The following POLA1 variants were observed in gnomAD, a reference collection of about 807,000 sequenced individuals.
POLA1 encodes DNA polymerase alpha catalytic subunit.
POLA1 carries 15 observed loss-of-function variants against 124.0 expected under a neutral mutation model. The ratio of observed to expected loss-of-function variants is 0.12; its 90% CI spans 0.08 to 0.19. POLA1 has a LOEUF of 0.19. POLA1 is among the 10% of genes least tolerant of loss of function. The pLI is 1.00. For synonymous variants in POLA1, 408 were observed against 389.4 expected, an observed-to-expected ratio of 1.05 and a Z score of -0.56; for missense variants, 886 against 1,103.4, an observed-to-expected ratio of 0.80 and a Z score of 2.79.
At chrX:24,948,593 G>A (rs1044485548) in intron 36 of POLA1, among the ~76,000 whole-genome samples, 1 of 111,742 alleles carries the variant, frequency 8.9e-6, no homozygotes, top group African/African-American at 3.2e-5. Flanking sequence ...GAATAAAAAG[G>A]CTGCAACTGC....
chrX:24,754,251 C>CTTTT (rs750683205), intron 26 of POLA1, among the ~76,000 whole-genome samples: 1 of 99,390 alleles, frequency 1.0e-5, no homozygotes. Flanking sequence ...TTCTTTCTTT[C>CTTTT]TTTTTTTTTT....
chrX:24,987,407 G>C (rs1318732532), intron 36 of POLA1, among the ~76,000 whole-genome samples: 2 of 111,580 alleles, frequency 1.8e-5, no homozygotes. Flanking sequence ...GGGGTGATTT[G>C]TTACACAGCA....
intron 35 of POLA1, among the ~76,000 whole-genome samples, chrX:24,929,037 G>T (rs1278974716): frequency 9.0e-6 from 1 of 111,569 alleles, no homozygotes; most frequent in Non-Finnish European, 1.9e-5. Flanking sequence ...GGCCAAAGAA[G>T]TATAAAATAC....
chrX:24,777,304 G>C (rs1264034449), intron 26 of POLA1, among the ~76,000 whole-genome samples: 1 of 111,814 alleles, frequency 8.9e-6, no homozygotes, highest in Non-Finnish European at 1.9e-5. Context: ...GTTAATTTTT[G>C]GTTACACTAA....
chrX:24,771,178 A>G (rs2045026182), intron 26 of POLA1, among the ~76,000 whole-genome samples: 1 of 111,195 alleles, frequency 9.0e-6, no homozygotes, highest in African/African-American at 3.3e-5. Context: ...ATCTCTGAGG[A>G]CTTCTGAGGA....
intron 16 of POLA1, among the ~76,000 whole-genome samples, 154 bp from the exon 17 acceptor site, chrX:24,733,601 A>G (rs146258695): frequency 1.2e-4 from 13 of 112,163 alleles, no homozygotes; most frequent in Non-Finnish European, 1.9e-4. Context: ...GAGGTCATCA[A>G]CATGACCAGT....
intron 34 of POLA1, among the ~76,000 whole-genome samples, chrX:24,859,429 A>G (rs767752188): frequency 3.6e-5 from 4 of 111,151 alleles, no homozygotes; most frequent in Non-Finnish European, 5.7e-5. Context: ...CACTCCTGCC[A>G]TTTCCTCTGC....
At chrX:24,981,740 A>G (rs2048422317) in intron 36 of POLA1, among the ~76,000 whole-genome samples, 1 of 112,613 alleles carries the variant, frequency 8.9e-6, no homozygotes, top group African/African-American at 3.2e-5. Flanking sequence ...GAGTTTTATT[A>G]TCACATATTT....
intron 20 of POLA1, among the ~76,000 whole-genome samples, chrX:24,740,297 AGAT>A (rs1178895704): frequency 9.0e-6 from 1 of 111,705 alleles, no homozygotes; most frequent in Non-Finnish European, 1.9e-5. Context: ...ATCCCACAGT[AGAT>A]GCATCAGGGT....
At chrX:24,701,434 C>CT (rs1331309084) in intron 2 of POLA1, among the ~76,000 whole-genome samples, 1,551 of 93,155 alleles carry the variant, frequency 0.017, 12 homozygotes, top group Non-Finnish European at 0.021. Context: ...AGGTAGAACT[C>CT]TTTTTTTTTT....
At chrX:24,901,659 G>A (rs1357729815) in intron 35 of POLA1, among the ~76,000 whole-genome samples, 1 of 111,193 alleles carries the variant, frequency 9.0e-6, no homozygotes, top group Non-Finnish European at 1.9e-5. Context: ...TTGGCCCAAG[G>A]AATAGAAGGG....
chrX:24,864,800 A>C (rs1354159965), intron 34 of POLA1, among the ~76,000 whole-genome samples: 1 of 109,938 alleles, frequency 9.1e-6, no homozygotes, highest in Non-Finnish European at 1.9e-5. Flanking sequence ...TCTTTAATAT[A>C]GTCTCTTATA....
Position 24,748,366 on chromosome X carries a change from T to C in POLA1, c.2747T>C (p.Ile916Thr), listed in dbSNP as rs1314932551. 1 of 1,193,722 alleles carries C rather than the reference T, an allele frequency of 8.4e-7. No homozygotes were observed. The highest frequency in any genetic ancestry group is 3.0e-5 in the East Asian group (1 of 33,696). ...ELPDPSLEMG[I>T]LPREIRKLVE... ...CCAGATCCAAGCTTAGAAATGGGCA[T>C]TTTGCCCAGAGAGATCCGGAAACTG... The change falls in exon 25 of 37, where the codon ATT becomes ACT. Residue 916 changes from isoleucine (I) to threonine (T), a missense_variant. Physicochemically the swap from Ile to Thr is moderately conservative, Grantham distance 89. Around this residue, in one of 7 missense-constraint regions of POLA1, gnomAD observed 182 missense variants for 252.8 expected, o/e 0.72. Coordinates refer to ENST00000379068, the MANE Select transcript of POLA1 (RefSeq NM_001330360.2).
chrX:24,774,335 G>A (rs1229410264), intron 26 of POLA1, among the ~76,000 whole-genome samples: 1 of 111,546 alleles, frequency 9.0e-6, no homozygotes. Flanking sequence ...AATGCCTAGA[G>A]GATGAGTATA....
chrX:24,785,272 T>C (rs777146657), intron 26 of POLA1, among the ~76,000 whole-genome samples: 1 of 112,356 alleles, frequency 8.9e-6, no homozygotes, highest in South Asian at 3.7e-4. Flanking sequence ...TGTAGTATCC[T>C]ATAATATATT....
chrX:24,988,498 T>A (rs1308395261), intron 36 of POLA1, among the ~76,000 whole-genome samples: 3 of 112,652 alleles, frequency 2.7e-5, no homozygotes, highest in Non-Finnish European at 5.6e-5. Context: ...ACATCTGCTC[T>A]TCCTTTGCAA....
intron 26 of POLA1, among the ~76,000 whole-genome samples, chrX:24,755,422 CATT>C (rs1932549295): frequency 8.9e-6 from 1 of 111,740 alleles, no homozygotes; most frequent in African/African-American, 3.3e-5. Context: ...AAGGGTATCT[CATT>C]GTGATTTTAA....
chrX:24,701,641 G>A (rs182062627), intron 2 of POLA1, among the ~76,000 whole-genome samples: 24 of 110,883 alleles, frequency 2.2e-4, no homozygotes, highest in African/African-American at 4.3e-4. Flanking sequence ...TCACCATGTC[G>A]GTCAGGCTGG....
intron 36 of POLA1, among the ~76,000 whole-genome samples, chrX:24,943,351 A>C (rs1457226714): frequency 8.9e-6 from 1 of 112,471 alleles, no homozygotes; most frequent in African/African-American, 3.2e-5. Context: ...ATGACGAAAA[A>C]AATGTAAAAA....
Sources: allele counts gnomAD v4.1 joint callset (sites outside exome capture counted in the v4.1 genomes callset), GRCh38; gene constraint gnomAD v4.1.1; regional missense constraint gnomAD v4.1.1; transcripts MANE v1.5; gene names NCBI Gene and HGNC (gene_info 2026-07-23, HGNC 2026-07-21).